The following CPM variants were observed in gnomAD, a reference collection of about 807,000 sequenced individuals.
CPM encodes renal carboxypeptidase.
A neutral mutation model predicts 46.4 loss-of-function variants in CPM; 35 were observed. That is an observed-to-expected ratio of 0.75 (90% CI 0.58 to 1.00). CPM has a LOEUF of 1.00. Ranked by LOEUF, CPM falls within the 50% of genes least tolerant of loss-of-function variation. The pLI, the probability that CPM is intolerant of heterozygous loss-of-function variation, is 0.00. For missense variants in CPM, 422 were observed against 530.4 expected (o/e 0.80, Z 2.01); for synonymous variants, 195 against 195.3 (o/e 1.00, Z 0.01).
Position 68,855,748 on chromosome 12 carries a change from T to TG in CPM, c.*688_*689insC, listed in dbSNP as rs1012291807. 2 of 151,918 alleles carry TG rather than the reference T, an allele frequency of 1.3e-5. No individual in the cohort carries two copies. The highest frequency in any genetic ancestry group is 4.8e-5 in the African/African-American group (2 of 41,266). The allele number at this position is 151,918 out of a possible 1,614,324, so 9.4% of individuals were successfully genotyped here. On this transcript the variant is annotated 3_prime_UTR_variant, in exon 9 of 9. Transcript: ENST00000551568. ...TTTTTTGTTTGTTTGTTTTTGTTTT[T>TG]TTTTTTTTGAGACAGAGTCTTACTC... is the stretch of plus-strand genomic sequence containing the variant.
At chr12:68,956,327 C>T (rs1408943435) in intron 1 of CPM, among the ~76,000 whole-genome samples, 24 of 152,178 alleles carry the variant, frequency 1.6e-4, no homozygotes. Context: ...TGCAGGGATG[C>T]CAGGGTCTGT....
At chr12:68,879,277 A>G (rs538892350) in intron 3 of CPM, among the ~76,000 whole-genome samples, 2 of 152,244 alleles carry the variant, frequency 1.3e-5, no homozygotes, top group Non-Finnish European at 2.9e-5. Flanking sequence ...GACCCTTGGC[A>G]CTGAGGTCAA....
chr12:68,941,031 C>T (rs1367929007), intron 1 of CPM, among the ~76,000 whole-genome samples: 1 of 152,124 alleles, frequency 6.6e-6, no homozygotes, highest in Non-Finnish European at 1.5e-5. Context: ...AACATTCTTT[C>T]TAAAAGTCTG....
chr12:68,851,688 G>A lies in CPM; in HGVS notation c.*4749C>T, dbSNP rs1481859321. ...CTATAAAACATCTATAAAAGGCAATGGAGTAGTTCATATGCAAAAGTATGA... is the reference window on the plus strand; with the variant it reads ...CTATAAAACATCTATAAAAGGCAATAGAGTAGTTCATATGCAAAAGTATGA... On this transcript the variant is annotated 3_prime_UTR_variant, in exon 9 of 9. Transcript: ENST00000551568. 2 of 151,970 alleles carry A rather than the reference G, an allele frequency of 1.3e-5. No homozygotes were observed. Among genetic ancestry groups the A allele is most frequent in the Non-Finnish European group, 2.9e-5 (2 of 68,008 alleles). 9.4% of individuals were successfully genotyped at this position (151,970 alleles called of 1,614,324 possible). A position where few individuals can be genotyped will look rare whatever the true frequency, so the allele number is the denominator to read the frequency against.
intron 2 of CPM, among the ~76,000 whole-genome samples, chr12:68,889,007 TG>T (rs1432366586): frequency 6.6e-6 from 1 of 152,156 alleles, no homozygotes; most frequent in Non-Finnish European, 1.5e-5. Context: ...ATAGGTGAGG[TG>T]TCTTTCCCAC....
At chr12:68,928,046 AG>A (rs1426349635) in intron 2 of CPM, among the ~76,000 whole-genome samples, 6 of 152,236 alleles carry the variant, frequency 3.9e-5, no homozygotes, top group African/African-American at 1.4e-4. Context: ...GAACCAAAAA[AG>A]AGCCCGCATT....
intron 1 of CPM, among the ~76,000 whole-genome samples, chr12:68,944,860 A>G (rs1888820912): frequency 6.6e-6 from 1 of 152,032 alleles, no homozygotes; most frequent in African/African-American, 2.4e-5. Flanking sequence ...GGTAATGGGT[A>G]CTGCTGATTA....
chr12:68,843,698 A>ACT (rs112584632), intron 5 of CPM: 103 of 215,524 alleles, frequency 4.8e-4, no homozygotes, highest in Middle Eastern at 1.4e-3. Context: ...TTGCTTCAAA[A>ACT]CTCTCTCTCT....
At chr12:68,912,607 C>G (rs1213966343) in intron 2 of CPM, among the ~76,000 whole-genome samples, 2 of 152,272 alleles carry the variant, frequency 1.3e-5, no homozygotes, top group East Asian at 3.9e-4. Flanking sequence ...TAAGATCACA[C>G]CATGACCTAT....
At chr12:68,882,038 T>TG in intron 3 of CPM, among the ~76,000 whole-genome samples, 1 of 151,252 alleles carries the variant, frequency 6.6e-6, no homozygotes, top group Non-Finnish European at 1.5e-5. Context: ...TTTTTTTTTT[T>TG]TTTTTTTTAA....
chr12:68,868,861 C>T (rs1885570603), intron 6 of CPM, among the ~76,000 whole-genome samples: 1 of 152,210 alleles, frequency 6.6e-6, no homozygotes, highest in Non-Finnish European at 1.5e-5. Context: ...CTAGTAGCAG[C>T]TGTCCCTGTT....
downstream of CPM, chr12:68,849,390 G>GTT (rs67479332): frequency 2.1e-3 from 277 of 129,160 alleles, no homozygotes; most frequent in African/African-American, 6.4e-3. Context: ...GCGCCTGGCC[G>GTT]TTTTTTTTTT....
intron 1 of CPM, among the ~76,000 whole-genome samples, chr12:68,953,243 TTC>T (rs989191532): frequency 9.1e-4 from 138 of 151,904 alleles, no homozygotes; most frequent in African/African-American, 3.3e-3. Context: ...GGTATGTTTT[TTC>T]TCTCTCTTTT....
At chr12:68,935,122 C>A (rs1888650764), upstream of CPM, among the ~76,000 whole-genome samples, 3 of 152,134 alleles carry the variant, frequency 2.0e-5, no homozygotes, top group Admixed American at 2.0e-4. Flanking sequence ...GTTGGCCAGG[C>A]TGGTCTGGAA....
chr12:68,936,924 T>C (rs1455950690), upstream of CPM, among the ~76,000 whole-genome samples: 1 of 152,294 alleles, frequency 6.6e-6, no homozygotes, highest in African/African-American at 2.4e-5. Flanking sequence ...GTAACACAAA[T>C]AGCTAATAAA....
At chr12:68,865,587 T>C (rs1254525334) in intron 7 of CPM, among the ~76,000 whole-genome samples, 3 of 152,050 alleles carry the variant, frequency 2.0e-5, no homozygotes, top group African/African-American at 4.8e-5. Context: ...AGTAGGCCCA[T>C]GCAGCAAACC....
At chr12:68,907,818 G>GTTAT (rs528453019) in intron 2 of CPM, among the ~76,000 whole-genome samples, 2,866 of 151,658 alleles carry the variant, frequency 0.019, 87 homozygotes, top group African/African-American at 0.064. Flanking sequence ...GGCTGGGTTG[G>GTTAT]TTATTTATTT....
At chr12:68,875,300 G>A (rs112871145) in intron 3 of CPM, among the ~76,000 whole-genome samples, 17,028 of 151,684 alleles carry the variant, frequency 0.11, 2,012 homozygotes, top group African/African-American at 0.29. Context: ...GCAGTGAGCC[G>A]AGATTGTGCC....
At position 68,851,493 on chromosome 12, in the gene CPM, C is replaced by T. The variant is rs1287280959; in HGVS notation, c.*4944G>A. 1 of 152,068 alleles carries T rather than the reference C, an allele frequency of 6.6e-6. No homozygotes were observed. The highest frequency in any genetic ancestry group is 1.5e-5 in the Non-Finnish European group (1 of 68,104). 9.4% of individuals were successfully genotyped at this position (152,068 alleles called of 1,614,324 possible). The stretch of plus-strand genomic sequence containing the variant: ...GGGCGTGGAGACAGGCACCGGTAGT[C>T]CCAGGTACTCGGGAGGCTGAGACAG... On this transcript the variant is annotated 3_prime_UTR_variant, in exon 9 of 9. Transcript: ENST00000551568.
Sources: allele counts gnomAD v4.1 joint callset (sites outside exome capture counted in the v4.1 genomes callset), GRCh38; gene constraint gnomAD v4.1.1; transcripts MANE v1.5; gene names NCBI Gene and HGNC (gene_info 2026-07-23, HGNC 2026-07-21).